Variants in GNRH1 observed in about 807,000 individuals in gnomAD.
GNRH1 encodes progonadoliberin-1.
Under a neutral mutation model 13.6 loss-of-function variants are expected in GNRH1, and 9 were observed. The observed-to-expected ratio is 0.66, with a 90% CI of 0.40 to 1.15. The LOEUF (loss-of-function observed/expected upper bound fraction) is 1.15, where lower values mean the gene tolerates loss of function less well. Among genes scored for constraint, GNRH1 ranks in the 50% most tolerant of loss-of-function variants. The pLI is 0.01. For synonymous variants in GNRH1, 44 were observed against 40.1 expected, an observed-to-expected ratio of 1.10 and a Z score of -0.37; for missense variants, 116 against 110.8, an observed-to-expected ratio of 1.05 and a Z score of -0.21.
chr8:25,423,584 CTTTTA>C (rs1801804227), intron 1 of GNRH1: 2 of 504,406 alleles, frequency 4.0e-6, no homozygotes, highest in Non-Finnish European at 7.1e-6. Flanking sequence ...ATAGTCTATA[CTTTTA>C]TTTTTATTGT....
At chr8:25,421,766 G>GT in intron 2 of GNRH1, 98 bp from the exon 3 acceptor site, 2 of 410,374 alleles carry the variant, frequency 4.9e-6, no homozygotes, top group East Asian at 7.9e-5. Flanking sequence ...GGTCAAGGGG[G>GT]ATGTGGGGCT....
intron 3 of GNRH1, among the ~76,000 whole-genome samples, chr8:25,419,780 TCTGG>T (rs1801748150): frequency 6.6e-6 from 1 of 152,010 alleles, no homozygotes; most frequent in Admixed American, 6.6e-5. Context: ...CATCACCGCA[TCTGG>T]CTAATTTTTA....
At chr8:25,421,764 GGGATGT>G in intron 2 of GNRH1, 96 bp from the exon 3 acceptor site, 2 of 602,888 alleles carry the variant, frequency 3.3e-6, no homozygotes, top group Non-Finnish European at 3.1e-6. Context: ...GGGGTCAAGG[GGGATGT>G]GGGGCTGGGG....
chr8:25,424,766 C>T (rs1429511290), upstream of GNRH1: 1 of 152,184 alleles, frequency 6.6e-6, no homozygotes, highest in Non-Finnish European at 1.5e-5. Context: ...TTTTAAAAAT[C>T]TGATTTACAA....
intron 1 of GNRH1, 152 bp from the exon 2 acceptor site, chr8:25,423,483 G>A: frequency 2.9e-6 from 2 of 689,604 alleles, no homozygotes; most frequent in South Asian, 1.7e-5. Context: ...CTGAAACTCA[G>A]AGACACTTGC....
intron 3 of GNRH1, among the ~76,000 whole-genome samples, chr8:25,420,230 A>G (rs966814381): frequency 6.6e-6 from 1 of 151,908 alleles, no homozygotes; most frequent in East Asian, 2.0e-4. Flanking sequence ...CCTGGCCAAC[A>G]TGGTGAAACC....
chr8:25,424,082 T>A (rs972063506), intron 1 of GNRH1, 119 bp downstream of exon 1: 20 of 152,356 alleles, frequency 1.3e-4, no homozygotes, highest in African/African-American at 4.6e-4. Context: ...GGACAGGACA[T>A]CATTAGATAC....
At chr8:25,419,754 T>G (rs778061019) in intron 3 of GNRH1, among the ~76,000 whole-genome samples, 1 of 152,076 alleles carries the variant, frequency 6.6e-6, no homozygotes, top group Non-Finnish European at 1.5e-5. Flanking sequence ...CTCTAGTAGT[T>G]GGGATTGCAG....
chr8:25,422,525 A>C (rs1025285982), intron 2 of GNRH1, among the ~76,000 whole-genome samples: 1 of 152,208 alleles, frequency 6.6e-6, no homozygotes, highest in Admixed American at 6.5e-5. Flanking sequence ...TCCAGCCTAG[A>C]TAACACAGCG....
upstream of GNRH1, chr8:25,424,617 T>C (rs1801818878): frequency 6.6e-6 from 1 of 152,182 alleles, no homozygotes; most frequent in Non-Finnish European, 1.5e-5. Flanking sequence ...AATGCATACA[T>C]AACTTCCACA....
intron 3 of GNRH1, among the ~76,000 whole-genome samples, chr8:25,421,086 T>C (rs1801766062): frequency 1.3e-5 from 2 of 151,948 alleles, no homozygotes; most frequent in Admixed American, 1.3e-4. Flanking sequence ...CATTTTTCAT[T>C]CCAAAGAAGA....
chr8:25,424,434 G>A (rs566001314), upstream of GNRH1: 3 of 151,192 alleles, frequency 2.0e-5, no homozygotes, highest in South Asian at 2.1e-4. Context: ...AACACCCCCT[G>A]GTATATCTGT....
intron 2 of GNRH1, among the ~76,000 whole-genome samples, chr8:25,422,924 T>C (rs1184840380): frequency 6.6e-6 from 1 of 152,228 alleles, no homozygotes; most frequent in Non-Finnish European, 1.5e-5. Flanking sequence ...CTAATTCCTT[T>C]AGCAATCCCA....
chr8:25,421,565 T>C lies in GNRH1; in HGVS notation c.237+8A>G, dbSNP rs751932727. 1 of 1,452,518 alleles carries C rather than the reference T, an allele frequency of 6.9e-7. No homozygotes were observed. Among genetic ancestry groups the C allele is most frequent in the South Asian group, 1.1e-5 (1 of 87,252 alleles). 90.0% of individuals were successfully genotyped at this position (1,452,518 alleles called of 1,614,324 possible). ...TGCTGTGATCATGTTATGATCACTT[T>C]AACTTACCAGAGCTCCTTTCAGGTC... On this transcript the variant is annotated splice_region_variant and intron_variant, in intron 3 of 3. Coordinates refer to ENST00000421054, the MANE Select transcript of GNRH1 (RefSeq NM_001083111.2).
chr8:25,421,481 T>C (rs1198693380), intron 3 of GNRH1, 92 bp downstream of exon 3: 3 of 694,482 alleles, frequency 4.3e-6, no homozygotes, highest in South Asian at 1.6e-5. Flanking sequence ...AGCCCCACAG[T>C]ATCTGGGAGG....
chr8:25,419,499 C>G (rs1357908605), intron 3 of GNRH1, 39 bp from the exon 4 acceptor site: 1 of 970,818 alleles, frequency 1.0e-6, no homozygotes, highest in East Asian at 2.4e-5. Context: ...ACTGACTTTA[C>G]CAGCTGAATT....
intron 2 of GNRH1, 40 bp downstream of exon 2, chr8:25,423,150 A>G (rs2709608): frequency 2.1e-6 from 3 of 1,413,394 alleles, no homozygotes; most frequent in Non-Finnish European, 3.0e-6. Flanking sequence ...TAAATTGAAT[A>G]AAATCACTAT....
intron 3 of GNRH1, among the ~76,000 whole-genome samples, chr8:25,421,322 G>A (rs541381357): frequency 4.9e-4 from 74 of 152,260 alleles, no homozygotes; most frequent in Non-Finnish European, 7.4e-4. Context: ...AGGATTAAGA[G>A]ATAAAAGTTA....
In GNRH1 at chr8:25,421,669, C is replaced by G; in HGVS notation, c.142-1G>C. ...CCAGTTGACCAACCTCTTTGACTAT[C>G]TGAAGAAAGAGAATGTGATGCTTTG... On this transcript the variant is annotated splice_acceptor_variant, in intron 2 of 3. Coordinates refer to ENST00000421054, the MANE Select transcript of GNRH1 (RefSeq NM_001083111.2). LOFTEE classifies it high-confidence loss of function. 1 of 1,492,454 alleles carries G rather than the reference C, an allele frequency of 6.7e-7. No individual in the cohort carries two copies. 92.5% of individuals were successfully genotyped at this position (1,492,454 alleles called of 1,614,324 possible).
Sources: gnomAD v4.1 joint callset for allele counts (sites outside exome capture counted in the v4.1 genomes callset) on GRCh38, gnomAD v4.1.1 for gene constraint, MANE v1.5 for transcripts, NCBI Gene and HGNC (gene_info 2026-07-23, HGNC 2026-07-21) for gene names.